The following GPR149 variants were observed in gnomAD, a reference collection of about 807,000 sequenced individuals.
GPR149 encodes probable G protein-coupled receptor 149.
Under a neutral mutation model 50.2 loss-of-function variants are expected in GPR149, and 50 were observed. The observed-to-expected ratio is 1.00, with a 90% CI of 0.79 to 1.26. The LOEUF is 1.26. Among genes scored for constraint, GPR149 ranks in the 50% most tolerant of loss-of-function variants. GPR149 has a pLI of 0.00. For synonymous variants in GPR149, 405 were observed against 358.2 expected (o/e 1.13, Z -1.48); for missense variants, 983 against 895.4 (o/e 1.10, Z -1.25).
intron 3 of GPR149, among the ~76,000 whole-genome samples, chr3:154,402,437 A>AATAAATAAATAAATAT (rs1354529081): frequency 6.6e-6 from 1 of 151,160 alleles, no homozygotes; most frequent in Non-Finnish European, 1.5e-5. Context: ...TAAATAAATA[A>AATAAATAAATAAATAT]ATAAATAAAT....
At chr3:154,385,187 T>G (rs529748239) in intron 3 of GPR149, among the ~76,000 whole-genome samples, 38 of 152,308 alleles carry the variant, frequency 2.5e-4, no homozygotes, top group South Asian at 2.3e-3. Context: ...TTCAGCTAAT[T>G]TGCTAAAAAG....
At chr3:154,425,956 A>G (rs1479274161) in intron 2 of GPR149, among the ~76,000 whole-genome samples, 1 of 131,504 alleles carries the variant, frequency 7.6e-6, no homozygotes, top group Non-Finnish European at 1.6e-5. Context: ...ATGACTTTTC[A>G]TTTTCACTGG....
chr3:154,388,618 A>T (rs1715098514), intron 3 of GPR149, among the ~76,000 whole-genome samples: 1 of 152,138 alleles, frequency 6.6e-6, no homozygotes, highest in African/African-American at 2.4e-5. Context: ...CCTTCCCAGC[A>T]ATGCCTGTGG....
chr3:154,413,207 T>A (rs1711890529), intron 3 of GPR149, among the ~76,000 whole-genome samples: 2 of 151,872 alleles, frequency 1.3e-5, no homozygotes, highest in Non-Finnish European at 2.9e-5. Flanking sequence ...TTCTATAGGA[T>A]AAAATTGGCA....
At chr3:154,345,748 T>G (rs1713911431) in intron 3 of GPR149, among the ~76,000 whole-genome samples, 1 of 152,138 alleles carries the variant, frequency 6.6e-6, no homozygotes, top group African/African-American at 2.4e-5. Context: ...TGCAGCAAAA[T>G]TTTCTCCTAA....
chr3:154,429,923 AT>A lies in GPR149; in HGVS notation c.-309del, dbSNP rs1712438284. Among the ~76,000 whole-genome samples the A allele has an allele frequency of 6.6e-6, 1 of 152,188 alleles. No individual in the cohort carries two copies. The highest frequency in any genetic ancestry group is 1.5e-5 in the Non-Finnish European group (1 of 68,036). On this transcript the variant is annotated 5_prime_UTR_variant, in exon 1 of 4. An upstream open reading frame in the 5' UTR loses its in-frame stop. Transcript: ENST00000389740. ...AGTTTCAGGGAAGAAAGCCAAAAAA[AT>A]AAACAAAACAAAACTCTTCAGGTAC...
Position 154,421,344 on chromosome 3 carries a change from C to A in GPR149, c.1318G>T (p.Asp440Tyr). The change falls in exon 3 of 4, where the codon GAC (aspartate) becomes TAC (tyrosine). Residue 440 changes from aspartate to tyrosine, a missense_variant. Transcript: ENST00000389740. ...LMNSECETTK[D>Y]PQRDNRNIFN... is the part of the protein sequence containing the mutation. ...ATGTTACGGTTGTCTCTCTGAGGGT[C>A]TTTTGTAGTTTCACACTCAGAGTTC... is the stretch of plus-strand genomic sequence containing the variant. 6.2e-7 allele frequency: 1 copy of A among 1,613,136 alleles called. No homozygotes were observed. The highest frequency in any genetic ancestry group is 8.5e-7 in the Non-Finnish European group (1 of 1,179,416).
In GPR149 at chr3:154,429,854, A is replaced by G. The variant is rs1712436883; in HGVS notation, c.-239T>C. On this transcript the variant is annotated 5_prime_UTR_variant, in exon 1 of 4. Transcript: ENST00000389740. ...AAAAAACCCGAACAGATAACTTTTCAACATTCCAATTAAAAACAAAGCAAA... is the reference window on the plus strand; with the variant it reads ...AAAAAACCCGAACAGATAACTTTTCGACATTCCAATTAAAAACAAAGCAAA... 9 of 395,478 alleles carry G rather than the reference A, an allele frequency of 2.3e-5. No individual in the cohort carries two copies. The highest frequency in any genetic ancestry group is 4.0e-5 in the Non-Finnish European group (9 of 224,430). The allele number at this position is 395,478 out of a possible 1,614,324, so 24.5% of individuals were successfully genotyped here.
At chr3:154,350,070 G>A (rs1714035233) in intron 3 of GPR149, among the ~76,000 whole-genome samples, 2 of 152,060 alleles carry the variant, frequency 1.3e-5, no homozygotes, top group African/African-American at 4.8e-5. Context: ...GGTGGTGTGT[G>A]CCTGTAATCC....
intron 3 of GPR149, among the ~76,000 whole-genome samples, chr3:154,401,315 A>G (rs1483006204): frequency 2.6e-5 from 4 of 152,216 alleles, no homozygotes; most frequent in Non-Finnish European, 5.9e-5. Context: ...TCTTGAATAG[A>G]GATTATTTTT....
chr3:154,362,240 G>A (rs373421301), intron 3 of GPR149, among the ~76,000 whole-genome samples: 9 of 128,086 alleles, frequency 7.0e-5, no homozygotes, highest in African/African-American at 2.7e-4. Flanking sequence ...AGTGAGCCGA[G>A]ATCATGCCAC....
chr3:154,428,672 A>G lies in GPR149; in HGVS notation c.944T>C (p.Leu315Pro). The G allele has an allele frequency of 2.5e-6, 4 of 1,613,476 alleles. No individual in the cohort carries two copies. Among genetic ancestry groups the G allele is most frequent in the Non-Finnish European group, 3.4e-6 (4 of 1,179,860 alleles). Residue 315 changes from leucine to proline, a missense_variant, in exon 1 of 4, where the codon CTA (leucine) becomes CCA (proline). Leu to Pro is a moderately conservative substitution (Grantham distance 98). Transcript: ENST00000389740. ...CCAAAGGACGACTTTTGTAAGCGCT[A>G]GGATCAAAGCGAAGCGCTTCTGCGC... is the stretch of plus-strand genomic sequence containing the variant. ...SVAQKRFALI[L>P]ALTKVVLWLP...
rs1193215024 is a variant in GPR149, at chr3:154,357,486, G to GA, written c.1624-19216dup. 8.6e-5 allele frequency among the ~76,000 whole-genome samples: 13 copies of GA among 151,880 alleles called. No individual in the cohort carries two copies. The East Asian group carries it at 2.5e-3, about 29-fold the overall frequency. On this transcript the variant is annotated intron_variant, in intron 3 of 3. Transcript: ENST00000389740. ...ACAATGAACTCAAACAAATTTACAA[G>GA]AAAAAAACAACCAACCCCATCAAAA...
intron 3 of GPR149, among the ~76,000 whole-genome samples, chr3:154,415,138 TAG>T (rs72254480): frequency 0.27 from 40,814 of 151,550 alleles, 5,622 homozygotes; most frequent in South Asian, 0.32. Context: ...TGAGTTCAAG[TAG>T]AGAGTAACCA....
intron 3 of GPR149, among the ~76,000 whole-genome samples, chr3:154,386,810 A>C (rs1342842946): frequency 1.3e-5 from 2 of 152,184 alleles, no homozygotes; most frequent in Non-Finnish European, 2.9e-5. Flanking sequence ...TAATGTTATA[A>C]TTTTTTCTTA....
intron 3 of GPR149, among the ~76,000 whole-genome samples, chr3:154,396,353 A>G (rs1351551299): frequency 1.3e-5 from 2 of 152,178 alleles, no homozygotes; most frequent in African/African-American, 2.4e-5. Flanking sequence ...GATTATAAAT[A>G]TATCTGTTTA....
intron 3 of GPR149, among the ~76,000 whole-genome samples, chr3:154,361,413 C>A (rs1309316612): frequency 1.3e-5 from 2 of 152,138 alleles, no homozygotes; most frequent in Non-Finnish European, 2.9e-5. Flanking sequence ...CTAATAAAAT[C>A]TAGATGTTTC....
chr3:154,354,835 CA>C, intron 3 of GPR149: 1 of 394,092 alleles, frequency 2.5e-6, no homozygotes, highest in Non-Finnish European at 4.1e-6. Flanking sequence ...ACAGTGGCCA[CA>C]ACTACCTGTG....
rs544713060 is a variant in GPR149, at chr3:154,356,920, G to A, written c.1624-18649C>T. On this transcript the variant is annotated intron_variant, in intron 3 of 3. Coordinates refer to ENST00000389740, the MANE Select transcript of GPR149 (RefSeq NM_001038705.3). ...CAAAGCTGGAGGCATCACACTACCT[G>A]ACTTCAAACTATACTACAAGCCTAC... Among the ~76,000 whole-genome samples, 28 of 152,234 alleles carry A rather than the reference G, an allele frequency of 1.8e-4. No homozygotes were observed. In the South Asian group the frequency reaches 5.8e-3, roughly 32 times the overall value.
Sources: gnomAD v4.1 joint callset for allele counts (sites outside exome capture counted in the v4.1 genomes callset) on GRCh38, gnomAD v4.1.1 for gene constraint, MANE v1.5 for transcripts, NCBI Gene and HGNC (gene_info 2026-07-23, HGNC 2026-07-21) for gene names.